The following AGBL1 variants were observed in gnomAD, a reference collection of about 807,000 sequenced individuals.
AGBL1 encodes the protein AGBL carboxypeptidase 1.
In AGBL1, 130 loss-of-function variants were observed where a neutral mutation model predicts 118.9. The ratio of observed to expected loss-of-function variants is 1.09; its 90% CI spans 0.95 to 1.26. The LOEUF is 1.26. AGBL1 is among the 50% of genes most tolerant of loss of function. The pLI is 0.00. For synonymous variants in AGBL1, 555 were observed against 478.9 expected (o/e 1.16, Z -2.08); for missense variants, 1,584 against 1,298.1 (o/e 1.22, Z -3.38).
intron 23 of AGBL1, among the ~76,000 whole-genome samples, chr15:86,934,382 C>A (rs546790029): frequency 5.2e-4 from 79 of 152,260 alleles, no homozygotes; most frequent in African/African-American, 1.9e-3. Flanking sequence ...TGGGATCATC[C>A]ATTTAGAACA....
intron 22 of AGBL1, among the ~76,000 whole-genome samples, chr15:86,767,972 T>A (rs919132561): frequency 6.6e-6 from 1 of 151,972 alleles, no homozygotes; most frequent in South Asian, 2.1e-4. Flanking sequence ...TTGAGTAGAA[T>A]CAGACAGAGC....
intron 7 of AGBL1, among the ~76,000 whole-genome samples, chr15:86,255,793 G>T (rs1418569103): frequency 6.6e-6 from 1 of 151,888 alleles, no homozygotes; most frequent in Non-Finnish European, 1.5e-5. Flanking sequence ...AAAAAAGAAA[G>T]TTGACTTACT....
intron 22 of AGBL1, among the ~76,000 whole-genome samples, chr15:86,848,201 G>A (rs1178504621): frequency 6.6e-6 from 1 of 152,158 alleles, no homozygotes; most frequent in African/African-American, 2.4e-5. Flanking sequence ...CCCACCAGAA[G>A]TTCAGTATTG....
At chr15:86,774,658 G>T (rs73445259) in intron 22 of AGBL1, among the ~76,000 whole-genome samples, 4,530 of 152,070 alleles carry the variant, frequency 0.03, 242 homozygotes, top group African/African-American at 0.1. Flanking sequence ...GAGGGCTAGT[G>T]GAAAGTTAAG....
At chr15:86,343,541 C>T (rs1456339768) in intron 17 of AGBL1, among the ~76,000 whole-genome samples, 2 of 152,174 alleles carry the variant, frequency 1.3e-5, no homozygotes, top group East Asian at 3.9e-4. Flanking sequence ...TTCTGCATCT[C>T]CTCACAGGGA....
intron 21 of AGBL1, among the ~76,000 whole-genome samples, chr15:86,620,153 G>C (rs577205581): frequency 5.3e-5 from 8 of 152,150 alleles, no homozygotes; most frequent in Admixed American, 5.2e-4. Context: ...TGTCAGGTAC[G>C]ATTCCCATAA....
intron 1 of AGBL1, among the ~76,000 whole-genome samples, chr15:86,090,218 A>G (rs1228432408): frequency 6.6e-6 from 1 of 152,120 alleles, no homozygotes; most frequent in Non-Finnish European, 1.5e-5. Context: ...ATTCCATTCC[A>G]TTCCATTCAC....
At chr15:86,835,567 C>T (rs1311462816) in intron 22 of AGBL1, among the ~76,000 whole-genome samples, 1 of 151,394 alleles carries the variant, frequency 6.6e-6, no homozygotes, top group Non-Finnish European at 1.5e-5. Flanking sequence ...TTCTGGTAAG[C>T]AGGTTCAAAA....
At chr15:86,503,223 ATTTG>A (rs1489099989) in intron 18 of AGBL1, among the ~76,000 whole-genome samples, 1 of 151,004 alleles carries the variant, frequency 6.6e-6, no homozygotes, top group African/African-American at 2.4e-5. Flanking sequence ...AGGTTTTCTT[ATTTG>A]TTGGCATGAA....
At chr15:86,365,825 G>A (rs548263553) in intron 17 of AGBL1, among the ~76,000 whole-genome samples, 2 of 152,230 alleles carry the variant, frequency 1.3e-5, no homozygotes, top group South Asian at 4.1e-4. Flanking sequence ...ATCAAATGGA[G>A]GCTAGGAATT....
intron 1 of AGBL1, among the ~76,000 whole-genome samples, chr15:86,091,715 G>A (rs576022062): frequency 3.3e-5 from 5 of 152,110 alleles, no homozygotes; most frequent in Admixed American, 3.3e-4. Flanking sequence ...CTTGGGTTTT[G>A]TCTCAGCGAA....
intron 4 of AGBL1, among the ~76,000 whole-genome samples, chr15:86,157,830 T>G (rs2077213282): frequency 6.6e-6 from 1 of 152,170 alleles, no homozygotes; most frequent in Non-Finnish European, 1.5e-5. Flanking sequence ...AATGAGGATG[T>G]TCACAGAGCT....
chr15:86,691,578 C>G (rs2086172612), intron 22 of AGBL1, among the ~76,000 whole-genome samples: 1 of 151,984 alleles, frequency 6.6e-6, no homozygotes, highest in Non-Finnish European at 1.5e-5. Context: ...GGGAAAATGC[C>G]AGGAACAAGG....
intron 22 of AGBL1, among the ~76,000 whole-genome samples, chr15:86,684,985 C>G (rs534316776): frequency 1.3e-5 from 2 of 152,018 alleles, no homozygotes; most frequent in Non-Finnish European, 2.9e-5. Flanking sequence ...AAACAGAAGC[C>G]TTACTAGTGC....
At chr15:86,870,253 T>C (rs1444257406) in intron 22 of AGBL1, among the ~76,000 whole-genome samples, 1 of 151,842 alleles carries the variant, frequency 6.6e-6, no homozygotes, top group Non-Finnish European at 1.5e-5. Context: ...AAATACTTTA[T>C]CTCTATTTTT....
chr15:86,153,671 G>A (rs1327399734), intron 3 of AGBL1, among the ~76,000 whole-genome samples: 2 of 152,038 alleles, frequency 1.3e-5, no homozygotes, highest in African/African-American at 4.8e-5. Context: ...AAAAAAGAAA[G>A]AAACATTAGA....
At chr15:86,496,172 T>A (rs895804200) in intron 18 of AGBL1, among the ~76,000 whole-genome samples, 1 of 152,042 alleles carries the variant, frequency 6.6e-6, no homozygotes, top group Non-Finnish European at 1.5e-5. Flanking sequence ...TGATAGTGAA[T>A]GAGTTTTCAC....
At chr15:87,030,526 A>G (rs985196256), downstream of AGBL1, among the ~76,000 whole-genome samples, 1 of 152,004 alleles carries the variant, frequency 6.6e-6, no homozygotes, top group African/African-American at 2.4e-5. Context: ...GGTGTTTAAC[A>G]TATAAGAATA....
intron 1 of AGBL1, among the ~76,000 whole-genome samples, chr15:86,108,753 T>A (rs1897195559): frequency 6.6e-6 from 1 of 152,018 alleles, no homozygotes; most frequent in Non-Finnish European, 1.5e-5. Context: ...GGTCAAGAGA[T>A]CGAAGCCATC....
Sources: gnomAD v4.1 joint callset for allele counts (sites outside exome capture counted in the v4.1 genomes callset) on GRCh38, gnomAD v4.1.1 for gene constraint, MANE v1.5 for transcripts, NCBI Gene and HGNC (gene_info 2026-07-23, HGNC 2026-07-21) for gene names.